Variants in GREB1 observed in about 807,000 individuals in gnomAD.
GREB1 encodes growth regulating estrogen receptor binding 1.
In GREB1, 106 loss-of-function variants were observed where a neutral mutation model predicts 200.7. That is an observed-to-expected ratio of 0.53 (90% confidence interval 0.45 to 0.62). The LOEUF is 0.62. Among genes scored for constraint, GREB1 ranks in the 20% least tolerant of loss-of-function variants. The pLI is 0.00. For missense variants in GREB1, 2,243 were observed against 2,556.8 expected (o/e 0.88, Z 2.65); for synonymous variants, 1,132 against 1,092.4 (o/e 1.04, Z -0.72).
intron 1 of GREB1, among the ~76,000 whole-genome samples, chr2:11,535,974 C>T (rs1674275721): frequency 6.6e-6 from 1 of 151,980 alleles, no homozygotes; most frequent in Non-Finnish European, 1.5e-5. Flanking sequence ...TATCAGATAC[C>T]TTCTATTTCC....
intron 1 of GREB1, among the ~76,000 whole-genome samples, chr2:11,543,415 G>C (rs1028148979): frequency 6.6e-6 from 1 of 152,144 alleles, no homozygotes; most frequent in South Asian, 2.1e-4. Context: ...TATGCCAACT[G>C]CCCTGCATGT....
At chr2:11,598,084 T>C in intron 14 of GREB1, 106 bp downstream of exon 14, 2 of 828,088 alleles carry the variant, frequency 2.4e-6, no homozygotes, top group Non-Finnish European at 4.2e-6. Context: ...ATAGGGCAAG[T>C]ATTGCTGCTC....
At chr2:11,521,613 T>G (rs1012897378) in intron 1 of GREB1, among the ~76,000 whole-genome samples, 6 of 152,216 alleles carry the variant, frequency 3.9e-5, no homozygotes, top group Non-Finnish European at 7.3e-5. Flanking sequence ...TTGTGCTCCT[T>G]AACCCCAGTG....
At chr2:11,523,724 G>A (rs1207547044) in intron 1 of GREB1, among the ~76,000 whole-genome samples, 1 of 152,188 alleles carries the variant, frequency 6.6e-6, no homozygotes, top group Admixed American at 6.5e-5. Flanking sequence ...CAGTCTTTCT[G>A]ATCAGTCTCC....
chr2:11,603,314 A>C (rs963332431), intron 17 of GREB1, among the ~76,000 whole-genome samples: 1 of 152,182 alleles, frequency 6.6e-6, no homozygotes, highest in African/African-American at 2.4e-5. Flanking sequence ...GCTGGTTTCT[A>C]CCCGCTTTTC....
At chr2:11,518,880 C>G (rs1260952482) in intron 1 of GREB1, among the ~76,000 whole-genome samples, 1 of 150,896 alleles carries the variant, frequency 6.6e-6, no homozygotes, top group Non-Finnish European at 1.5e-5. Context: ...GGGTGGATCA[C>G]GAGGTCAGGA....
intron 2 of GREB1, among the ~76,000 whole-genome samples, chr2:11,558,018 G>T (rs890839291): frequency 6.6e-6 from 1 of 152,170 alleles, no homozygotes; most frequent in Non-Finnish European, 1.5e-5. Flanking sequence ...GCTAATTATG[G>T]ATTAATAATA....
rs113522409 is a variant in GREB1 at position 11,633,488 on chromosome 2, C to T, written c.4991+425C>T. ...CTGAGGCAGAAGCATGGCGTGAACC[C>T]GGGAGGCGGAGCTTGTAGTAAGTGG... On this transcript the variant is annotated intron_variant, in intron 28 of 32. Transcript: ENST00000381486. The surrounding 1 kb of genome is among the most constrained non-coding windows in gnomAD (Gnocchi z 4.1). Among the ~76,000 whole-genome samples, 1,561 of 151,366 alleles carry T rather than the reference C, an allele frequency of 0.01. 26 individuals carry two copies. Among genetic ancestry groups the T allele is most frequent in the African/African-American group, 0.033 (1,364 of 41,250 alleles).
At chr2:11,587,623 T>G in intron 9 of GREB1, 1 of 1,437,632 alleles carries the variant, frequency 7.0e-7, no homozygotes, top group Non-Finnish European at 9.1e-7. Context: ...GCAGGACATC[T>G]GCATATAACA....
chr2:11,627,706 C>T (rs1436394782), intron 25 of GREB1, among the ~76,000 whole-genome samples: 1 of 152,136 alleles, frequency 6.6e-6, no homozygotes, highest in Admixed American at 6.5e-5. Flanking sequence ...GGCTCCTGAC[C>T]CAGGGCTCTG....
intron 1 of GREB1, among the ~76,000 whole-genome samples, chr2:11,502,180 G>A (rs1383417745): frequency 6.7e-6 from 1 of 148,622 alleles, no homozygotes; most frequent in Non-Finnish European, 1.5e-5. Flanking sequence ...GCCTCCCAAA[G>A]TTCTGGGATC....
Position 11,548,245 on chromosome 2 carries a change from C to T in GREB1, c.-161-8209C>T, listed in dbSNP as rs1675477310. Reference sequence around the variant, plus strand: ...AGACATGTGCACACATGTGCACATACCCAAACATATGTGCACACACATGTA... The same window carrying T: ...AGACATGTGCACACATGTGCACATATCCAAACATATGTGCACACACATGTA... On this transcript the variant is annotated intron_variant, in intron 1 of 32. Coordinates refer to ENST00000381486, the MANE Select transcript of GREB1 (RefSeq NM_014668.4). The surrounding 1 kb of genome is among the most constrained non-coding windows in gnomAD (Gnocchi z 5.1). Among the ~76,000 whole-genome samples the T allele has an allele frequency of 6.6e-6, 1 of 151,692 alleles. No homozygotes were observed. The highest frequency in any genetic ancestry group is 6.6e-5 in the Admixed American group (1 of 15,236).
intron 10 of GREB1, among the ~76,000 whole-genome samples, chr2:11,590,941 C>T (rs1256807510): frequency 6.6e-6 from 1 of 152,146 alleles, no homozygotes; most frequent in African/African-American, 2.4e-5. Flanking sequence ...AGACTGGACC[C>T]TGACCATTGG....
intron 30 of GREB1, 26 bp downstream of exon 30, chr2:11,635,431 C>T: frequency 6.3e-7 from 1 of 1,583,364 alleles, no homozygotes; most frequent in Non-Finnish European, 8.6e-7. Flanking sequence ...CTGGGCAGGC[C>T]TCTATGTCCA....
At chr2:11,487,756 C>G (rs1672688047) in intron 1 of GREB1, among the ~76,000 whole-genome samples, 1 of 152,218 alleles carries the variant, frequency 6.6e-6, no homozygotes. Flanking sequence ...TCCTCCCTCC[C>G]CACACCACAA....
At chr2:11,545,904 G>A (rs888322079) in intron 1 of GREB1, among the ~76,000 whole-genome samples, 14 of 152,170 alleles carry the variant, frequency 9.2e-5, no homozygotes, top group African/African-American at 2.7e-4. Context: ...ATAGCCGGGC[G>A]CGGTGGCTCA....
At chr2:11,496,214 C>T (rs1672882950) in intron 1 of GREB1, among the ~76,000 whole-genome samples, 1 of 152,156 alleles carries the variant, frequency 6.6e-6, no homozygotes, top group Non-Finnish European at 1.5e-5. Context: ...GGCCACTGTG[C>T]GCTGATCCCA....
chr2:11,562,001 CAT>C (rs1316353486), intron 2 of GREB1, among the ~76,000 whole-genome samples: 1 of 152,056 alleles, frequency 6.6e-6, no homozygotes, highest in African/African-American at 2.4e-5. Flanking sequence ...AAATGGTCTT[CAT>C]ATGACACTAT....
At chr2:11,588,364 C>T (rs867911272) in intron 9 of GREB1, 5 of 875,842 alleles carry the variant, frequency 5.7e-6, no homozygotes, top group Non-Finnish European at 7.5e-6. Context: ...ACCTGGCAGG[C>T]AGCACCCAGT....
Sources: gnomAD v4.1 joint callset for allele counts (sites outside exome capture counted in the v4.1 genomes callset) on GRCh38, gnomAD v4.1.1 for gene constraint, Gnocchi (gnomAD v3.1) non-coding constraint, MANE v1.5 for transcripts, NCBI Gene and HGNC (gene_info 2026-07-23, HGNC 2026-07-21) for gene names.